RELN: variants seen among roughly 807,000 people sequenced by gnomAD.
The protein encoded by RELN is reelin.
Under a neutral mutation model 427.6 loss-of-function variants are expected in RELN, and 108 were observed. The observed-to-expected ratio is 0.25, with a 90% CI of 0.22 to 0.30. The LOEUF (loss-of-function observed/expected upper bound fraction) is 0.30. RELN is among the 10% of genes least tolerant of loss of function. The pLI, the probability that RELN is intolerant of heterozygous loss-of-function variation, is 1.00. For missense variants in RELN, 3,715 were observed against 4,302.8 expected, an observed-to-expected ratio of 0.86 and a Z score of 3.82; for synonymous variants, 1,524 against 1,513.4, an observed-to-expected ratio of 1.01 and a Z score of -0.16.
chr7:103,642,414 C>T (rs1398086064), intron 16 of RELN, among the ~76,000 whole-genome samples: 1 of 80,182 alleles, frequency 1.2e-5, no homozygotes, highest in Non-Finnish European at 2.3e-5. Flanking sequence ...GTGTCCTTTT[C>T]TTCCCTTGTA....
At position 103,472,590 on chromosome 7, in the gene RELN, C is replaced by G. The variant is rs901341690; in HGVS notation, c.*222G>C. On this transcript the variant is annotated 3_prime_UTR_variant, in exon 65 of 65. Coordinates refer to ENST00000428762, the MANE Select transcript of RELN (RefSeq NM_005045.4). Reference sequence around the variant, plus strand: ...TGATATTACAACAGATCACAACTTTCACGGACACATCAACATGAAGACATT... The same window carrying G: ...TGATATTACAACAGATCACAACTTTGACGGACACATCAACATGAAGACATT... 8 of 533,530 alleles carry G rather than the reference C, an allele frequency of 1.5e-5. No individual in the cohort carries two copies. In the African/African-American group the frequency reaches 1.5e-4, roughly 10 times the overall value. The allele number at this position is 533,530 out of a possible 1,614,324, so 33.0% of individuals were successfully genotyped here. A position where few individuals can be genotyped will look rare whatever the true frequency, so the allele number is the denominator to read the frequency against.
chr7:103,653,757 C>T (rs1424990407), intron 13 of RELN, among the ~76,000 whole-genome samples: 1 of 151,978 alleles, frequency 6.6e-6, no homozygotes, highest in Non-Finnish European at 1.5e-5. Context: ...TGGACAAATA[C>T]TCATTATGAC....
intron 43 of RELN, 131 bp from the exon 44 acceptor site, chr7:103,540,586 A>G (rs1047997222): frequency 5.6e-5 from 44 of 783,828 alleles, no homozygotes; most frequent in Non-Finnish European, 8.9e-5. Flanking sequence ...ATGAGTGTCC[A>G]AAGCAATCAC....
chr7:103,715,974 C>T (rs956335845), intron 8 of RELN, among the ~76,000 whole-genome samples: 1 of 152,186 alleles, frequency 6.6e-6, no homozygotes, highest in Non-Finnish European at 1.5e-5. Flanking sequence ...TAATCCCCAT[C>T]CCGGGCAGCA....
At chr7:103,955,529 C>T (rs944401551) in intron 1 of RELN, among the ~76,000 whole-genome samples, 10 of 152,194 alleles carry the variant, frequency 6.6e-5, no homozygotes, top group African/African-American at 2.4e-4. Flanking sequence ...CCAGGACTTA[C>T]AACCTTCTCC....
chr7:103,792,496 A>C (rs1451982141), intron 3 of RELN, among the ~76,000 whole-genome samples: 2 of 127,922 alleles, frequency 1.6e-5, no homozygotes, highest in African/African-American at 6.1e-5. Flanking sequence ...GATTCCATTT[A>C]TATGAAATGT....
At chr7:103,562,350 G>A (rs1350806144) in intron 34 of RELN, among the ~76,000 whole-genome samples, 1 of 152,082 alleles carries the variant, frequency 6.6e-6, no homozygotes, top group African/African-American at 2.4e-5. Context: ...GAAAAATTAG[G>A]GTCTTAAAAG....
intron 48 of RELN, among the ~76,000 whole-genome samples, chr7:103,521,270 C>T (rs867046845): frequency 2.0e-5 from 3 of 152,038 alleles, no homozygotes; most frequent in Admixed American, 6.5e-5. Context: ...TGAGCCACCG[C>T]GCCCGGCCAA....
intron 2 of RELN, among the ~76,000 whole-genome samples, chr7:103,842,016 T>C (rs2116435582): frequency 6.6e-6 from 1 of 152,262 alleles, no homozygotes; most frequent in Non-Finnish European, 1.5e-5. Flanking sequence ...TTTTTTTATG[T>C]GAAAAATATA....
At position 103,630,843 on chromosome 7, in the gene RELN, A is replaced by ATT. The variant is rs1400339253; in HGVS notation, c.2466-669_2466-668dup. On this transcript the variant is annotated intron_variant, in intron 19 of 64. Coordinates refer to ENST00000428762, the MANE Select transcript of RELN (RefSeq NM_005045.4). ...AAAGACACACTGAAAGGGCTGAGTTATTTTTTTGTTTTTTTTGTTTTTTTT... is the reference window on the plus strand; with the variant it reads ...AAAGACACACTGAAAGGGCTGAGTTATTTTTTTTTGTTTTTTTTGTTTTTTTT... Among the ~76,000 whole-genome samples, 77 of 94,168 alleles carry ATT rather than the reference A, an allele frequency of 8.2e-4. 1 individual carries two copies. The highest frequency in any genetic ancestry group is 1.0e-3 in the African/African-American group (21 of 20,452). The allele number at this position is 94,168 out of a possible 152,430, so 61.8% of individuals were successfully genotyped here. A position where few individuals can be genotyped will look rare whatever the true frequency, so the allele number is the denominator to read the frequency against.
chr7:103,928,746 G>C (rs1795798627), intron 1 of RELN, among the ~76,000 whole-genome samples: 1 of 152,190 alleles, frequency 6.6e-6, no homozygotes, highest in African/African-American at 2.4e-5. Context: ...GTATGCCAGA[G>C]AATTTTCTCT....
intron 5 of RELN, among the ~76,000 whole-genome samples, chr7:103,751,627 T>C (rs1791003856): frequency 6.6e-6 from 1 of 152,234 alleles, no homozygotes; most frequent in African/African-American, 2.4e-5. Flanking sequence ...GGTACAGCTC[T>C]CTCAGATACC....
At chr7:103,904,572 G>A (rs1279909723) in intron 2 of RELN, among the ~76,000 whole-genome samples, 1 of 152,152 alleles carries the variant, frequency 6.6e-6, no homozygotes, top group African/African-American at 2.4e-5. Context: ...TCTATGATCT[G>A]TGAAGTGTCC....
At chr7:103,748,001 G>GA (rs1790889919) in intron 6 of RELN, among the ~76,000 whole-genome samples, 1 of 151,828 alleles carries the variant, frequency 6.6e-6, no homozygotes, top group African/African-American at 2.4e-5. Flanking sequence ...ACTCACTGAA[G>GA]AAAATGAATT....
intron 24 of RELN, among the ~76,000 whole-genome samples, chr7:103,600,990 G>A (rs1831653665): frequency 6.6e-6 from 1 of 152,152 alleles, no homozygotes; most frequent in Non-Finnish European, 1.5e-5. Flanking sequence ...GATACAGACA[G>A]TTGTTATAAC....
At chr7:103,922,702 A>G (rs1795642970) in intron 1 of RELN, among the ~76,000 whole-genome samples, 1 of 152,154 alleles carries the variant, frequency 6.6e-6, no homozygotes, top group African/African-American at 2.4e-5. Flanking sequence ...TCCCCACGAG[A>G]CCCTAATACC....
At chr7:103,526,805 C>T (rs536902494) in intron 46 of RELN, among the ~76,000 whole-genome samples, 1 of 152,158 alleles carries the variant, frequency 6.6e-6, no homozygotes, top group Admixed American at 6.5e-5. Context: ...TTCTTGTTTA[C>T]CAAGAACTAC....
At chr7:103,487,199 T>C (rs893095436) in intron 60 of RELN, among the ~76,000 whole-genome samples, 1 of 151,486 alleles carries the variant, frequency 6.6e-6, no homozygotes, top group Admixed American at 6.6e-5. Flanking sequence ...TAGGTGGGAG[T>C]TGAACAATTA....
Position 103,617,095 on chromosome 7 carries a change from C to T in RELN, c.2703-5292G>A, listed in dbSNP as rs1276287069. On this transcript the variant is annotated intron_variant, in intron 20 of 64. Transcript: ENST00000428762. Reference sequence around the variant, plus strand: ...TTTTATTTTGGTCACTTTATGCCTACACTCCCTTAATCTACATTTTTTGAT... The same window carrying T: ...TTTTATTTTGGTCACTTTATGCCTATACTCCCTTAATCTACATTTTTTGAT... 2.6e-5 allele frequency among the ~76,000 whole-genome samples: 4 copies of T among 152,146 alleles called. 1 individual carries two copies. In the East Asian group the frequency reaches 7.7e-4, roughly 29 times the overall value.
Sources: allele counts gnomAD v4.1 joint callset (sites outside exome capture counted in the v4.1 genomes callset), GRCh38; gene constraint gnomAD v4.1.1; transcripts MANE v1.5; gene names NCBI Gene and HGNC (gene_info 2026-07-23, HGNC 2026-07-21).